TMEM220: variants seen among roughly 807,000 people sequenced by gnomAD.
TMEM220 encodes transmembrane protein 220.
In TMEM220, 21 loss-of-function variants were observed where a neutral mutation model predicts 21.7. The ratio of observed to expected loss-of-function variants is 0.97; its 90% confidence interval spans 0.69 to 1.39. The LOEUF (loss-of-function observed/expected upper bound fraction) is 1.39. TMEM220 is among the 40% of genes most tolerant of loss of function. TMEM220 has a pLI of 0.00. For missense variants in TMEM220, 191 were observed against 201.9 expected, an observed-to-expected ratio of 0.95 and a Z score of 0.33; for synonymous variants, 80 against 73.6, an observed-to-expected ratio of 1.09 and a Z score of -0.45.
At chr17:10,718,576 A>G (rs1299543793) in intron 5 of TMEM220, among the ~76,000 whole-genome samples, 1 of 152,038 alleles carries the variant, frequency 6.6e-6, no homozygotes, top group African/African-American at 2.4e-5. Context: ...ACTTATGTCT[A>G]TATGTTTCCC....
At position 10,715,392 on chromosome 17, in the gene TMEM220, C is replaced by G. The variant is rs1234531082; in HGVS notation, c.*61G>C. ...TGAAATAAACTCCTGGCTTGTTCCC[C>G]TAATGTTTATAAAAAATTGATTGAA... is the stretch of plus-strand genomic sequence containing the variant. On this transcript the variant is annotated 3_prime_UTR_variant, in exon 6 of 6. Coordinates refer to ENST00000341871, the MANE Select transcript of TMEM220 (RefSeq NM_001004313.3). The G allele has an allele frequency of 6.7e-7, 1 of 1,497,574 alleles. No individual in the cohort carries two copies. Among genetic ancestry groups the G allele is most frequent in the African/African-American group, 1.4e-5 (1 of 69,804 alleles). 92.8% of individuals were successfully genotyped at this position (1,497,574 alleles called of 1,614,324 possible). A position where few individuals can be genotyped will look rare whatever the true frequency, so the allele number is the denominator to read the frequency against.
chr17:10,729,800 C>G lies in TMEM220; in HGVS notation c.52G>C (p.Ala18Pro), dbSNP rs763659556. 2.8e-6 allele frequency: 4 copies of G among 1,410,156 alleles called. No homozygotes were observed. The South Asian group carries it at 5.8e-5, about 21-fold the overall frequency. The allele number at this position is 1,410,156 out of a possible 1,614,324, so 87.4% of individuals were successfully genotyped here. The change falls in exon 1 of 6, where the codon GCG (alanine) becomes CCG (proline). Residue 18 changes from alanine to proline, a missense_variant. By Grantham distance (27) the Ala-to-Pro change is conservative. Coordinates refer to ENST00000341871, the MANE Select transcript of TMEM220 (RefSeq NM_001004313.3). ...ACNGLMAAFFALAALVQVNDP... is the reference protein window; with the variant it reads ...ACNGLMAAFFPLAALVQVNDP... The stretch of plus-strand genomic sequence containing the variant: ...CTGACCTGCACCAAGGCCGCCAGCG[C>G]GAAGAAGGCGGCCATGAGTCCGTTG...
chr17:10,722,151 C>G (rs2151476518), intron 5 of TMEM220, among the ~76,000 whole-genome samples: 1 of 152,200 alleles, frequency 6.6e-6, no homozygotes, highest in Non-Finnish European at 1.5e-5. Flanking sequence ...CAACACCACG[C>G]CTGGCTAATT....
At chr17:10,721,605 AAAAAAAAAAAAAAAGAAAAAAAG>A (rs1298131925) in intron 5 of TMEM220, among the ~76,000 whole-genome samples, 1 of 84,970 alleles carries the variant, frequency 1.2e-5, no homozygotes, top group South Asian at 3.4e-4. Context: ...ACTCTGTCTC[AAAAAAAAAAAAAAAGAAAAAAAG>A]AAAAAAAAGA....
chr17:10,728,991 C>A (rs746426190), intron 2 of TMEM220, 40 bp downstream of exon 2: 1 of 1,612,038 alleles, frequency 6.2e-7, no homozygotes, highest in Non-Finnish European at 8.5e-7. Context: ...TTCCCCAATT[C>A]TTCCAAACGG....
intron 2 of TMEM220, chr17:10,726,512 C>G: frequency 1.9e-6 from 1 of 540,070 alleles, no homozygotes; most frequent in Non-Finnish European, 3.3e-6. Flanking sequence ...TATCTTTGAG[C>G]TCTAACACTG....
At position 10,722,820 on chromosome 17, in the gene TMEM220, A is replaced by G. The variant is rs138025687; in HGVS notation, c.347+450T>C. 2.0e-5 allele frequency among the ~76,000 whole-genome samples: 3 copies of G among 152,292 alleles called. No individual in the cohort carries two copies. In the East Asian group the frequency reaches 5.8e-4, roughly 29 times the overall value. Reference sequence around the variant, plus strand: ...CCCATGACTATACTGGGCCTTGTAGAAAACTACGGTTTTTGTGGACAAGAG... The same window carrying G: ...CCCATGACTATACTGGGCCTTGTAGGAAACTACGGTTTTTGTGGACAAGAG... On this transcript the variant is annotated intron_variant, in intron 5 of 5. Transcript: ENST00000341871.
rs571305181 is a variant in TMEM220 at position 10,729,713 on chromosome 17, C to A, written c.72+67G>T. 952 of 1,277,128 alleles carry A rather than the reference C, an allele frequency of 7.5e-4. 5 individuals are homozygous for A. The African/African-American group carries it at 0.013, about 18-fold the overall frequency. 79.1% of individuals were successfully genotyped at this position (1,277,128 alleles called of 1,614,324 possible). A position where few individuals can be genotyped will look rare whatever the true frequency, so the allele number is the denominator to read the frequency against. ...CGACTCTGCCCGCTAGTCAGTTACA[C>A]GGCCCGCTAGGCCAGGGGGCGGAGC... On this transcript the variant is annotated intron_variant, in intron 1 of 5. Transcript: ENST00000341871.
rs2074886524 is a variant in TMEM220 at position 10,714,594 on chromosome 17, C to G, written c.*859G>C. On this transcript the variant is annotated 3_prime_UTR_variant, in exon 6 of 6. Transcript: ENST00000341871. The stretch of plus-strand genomic sequence containing the variant: ...ATTCATCTAGAGTTCTCCTTTAGTT[C>G]ACTGCACTATGCCAGCTCTGGATAA... 2 of 152,160 alleles carry G rather than the reference C, an allele frequency of 1.3e-5. No individual in the cohort carries two copies. The highest frequency in any genetic ancestry group is 2.1e-4 in the South Asian group (1 of 4,834). 9.4% of individuals were successfully genotyped at this position (152,160 alleles called of 1,614,324 possible). A position where few individuals can be genotyped will look rare whatever the true frequency, so the allele number is the denominator to read the frequency against.
intron 2 of TMEM220, among the ~76,000 whole-genome samples, chr17:10,728,048 T>A (rs1490882592): frequency 1.3e-5 from 2 of 151,870 alleles, no homozygotes; most frequent in African/African-American, 4.8e-5. Flanking sequence ...TAATCCCAGT[T>A]ACTTGGGACA....
At chr17:10,729,653 C>A in intron 1 of TMEM220, 127 bp downstream of exon 1, 3 of 789,978 alleles carry the variant, frequency 3.8e-6, no homozygotes, top group Non-Finnish European at 5.2e-6. Flanking sequence ...GCAGAAAGCC[C>A]AAGTCCCGTC....
chr17:10,718,691 CAA>C (rs1268357356), intron 5 of TMEM220, among the ~76,000 whole-genome samples: 2 of 152,214 alleles, frequency 1.3e-5, no homozygotes. Context: ...TTCTTTGACC[CAA>C]GTGTTATTTG....
At chr17:10,729,244 A>C (rs2075090931) in intron 1 of TMEM220, among the ~76,000 whole-genome samples, 184 bp from the exon 2 acceptor site, 1 of 152,176 alleles carries the variant, frequency 6.6e-6, no homozygotes, top group Non-Finnish European at 1.5e-5. Context: ...TGGCTGACAC[A>C]ACAGATGTTT....
intron 1 of TMEM220, among the ~76,000 whole-genome samples, chr17:10,729,410 T>C (rs1377713200): frequency 1.3e-5 from 2 of 152,130 alleles, no homozygotes; most frequent in Non-Finnish European, 2.9e-5. Flanking sequence ...ACTAAAAAGT[T>C]TAATGATGCT....
downstream of TMEM220, among the ~76,000 whole-genome samples, chr17:10,712,614 C>T (rs2074861738): frequency 1.3e-5 from 2 of 152,028 alleles, no homozygotes; most frequent in East Asian, 1.9e-4. Flanking sequence ...TAATTTTGTT[C>T]GAAGGGATTG....
intron 5 of TMEM220, among the ~76,000 whole-genome samples, chr17:10,721,152 T>G (rs984048265): frequency 6.6e-6 from 1 of 152,178 alleles, no homozygotes; most frequent in Non-Finnish European, 1.5e-5. Flanking sequence ...AACATGCGCC[T>G]GGAACATCTT....
At chr17:10,718,542 C>T (rs1050714996) in intron 5 of TMEM220, among the ~76,000 whole-genome samples, 13 of 145,022 alleles carry the variant, frequency 9.0e-5, no homozygotes, top group African/African-American at 2.9e-4. Context: ...TTCCTAACTT[C>T]CTGGAAGCTT....
intron 5 of TMEM220, among the ~76,000 whole-genome samples, chr17:10,717,068 T>G (rs531497271): frequency 6.6e-6 from 1 of 152,310 alleles, no homozygotes; most frequent in East Asian, 1.9e-4. Context: ...TTCTAGTAAT[T>G]TTTTAGATTC....
chr17:10,716,482 C>T (rs1269842233), intron 5 of TMEM220: 3 of 668,654 alleles, frequency 4.5e-6, no homozygotes, highest in South Asian at 2.7e-5. Context: ...TTGTGCCCCA[C>T]GTAGTAGCGC....
Sources: gnomAD v4.1 joint callset for allele counts (sites outside exome capture counted in the v4.1 genomes callset) on GRCh38, gnomAD v4.1.1 for gene constraint, MANE v1.5 for transcripts, NCBI Gene and HGNC (gene_info 2026-07-23, HGNC 2026-07-21) for gene names.